MYOM2: variants seen among roughly 807,000 people sequenced by gnomAD.
The protein encoded by MYOM2 is myomesin 2.
In MYOM2, 254 loss-of-function variants were observed where a neutral mutation model predicts 187.6. The observed-to-expected ratio is 1.35, with a 90% confidence interval of 1.22 to 1.50. MYOM2 has a LOEUF of 1.50. Ranked by LOEUF, MYOM2 falls within the 40% of genes most tolerant of loss-of-function variation. The pLI is 0.00. For missense variants in MYOM2, 2,796 were observed against 1,924.0 expected, an observed-to-expected ratio of 1.45 and a Z score of -8.48; for synonymous variants, 981 against 753.8, an observed-to-expected ratio of 1.30 and a Z score of -4.94.
chr8:2,119,312 A>T (rs1304052005), intron 28 of MYOM2: 1 of 152,396 alleles, frequency 6.6e-6, no homozygotes, highest in East Asian at 1.9e-4. Context: ...GGCATTCTGG[A>T]AAATTCAGAT....
intron 6 of MYOM2, among the ~76,000 whole-genome samples, chr8:2,061,816 T>C (rs1585834316): frequency 6.6e-6 from 1 of 152,238 alleles, no homozygotes; most frequent in African/African-American, 2.4e-5. Context: ...GCGGGCTCCT[T>C]GGCCCTGCTC....
chr8:2,051,314 C>T (rs1818477595), intron 2 of MYOM2, among the ~76,000 whole-genome samples: 1 of 152,042 alleles, frequency 6.6e-6, no homozygotes, highest in South Asian at 2.1e-4. Flanking sequence ...CATGGATGTG[C>T]CGAGATCAAG....
intron 25 of MYOM2, among the ~76,000 whole-genome samples, chr8:2,110,186 G>A (rs1006984179): frequency 9.8e-5 from 15 of 152,302 alleles, no homozygotes; most frequent in African/African-American, 3.6e-4. Context: ...AGTTGGGCAT[G>A]GTGATGCTCA....
chr8:2,100,534 G>A (rs537694404), intron 19 of MYOM2: 1 of 264,012 alleles, frequency 3.8e-6, no homozygotes. Context: ...TGACTGCCAG[G>A]TGTCCAGCCC....
At chr8:2,127,209 T>C (rs182640846) in intron 31 of MYOM2, among the ~76,000 whole-genome samples, 2 of 152,098 alleles carry the variant, frequency 1.3e-5, no homozygotes, top group Admixed American at 6.5e-5. Context: ...CTTTTTCAAG[T>C]TGTGATTCCT....
At position 2,055,087 on chromosome 8, in the gene MYOM2, G is replaced by C. The variant is rs59417432; in HGVS notation, c.264-2261G>C. 5.0e-3 allele frequency among the ~76,000 whole-genome samples: 710 copies of C among 142,210 alleles called. 12 individuals are homozygous for C. The highest frequency in any genetic ancestry group is 0.018 in the African/African-American group (667 of 37,260). The allele number at this position is 142,210 out of a possible 152,430, so 93.3% of individuals were successfully genotyped here. ...CGAAGTACCTGGATACTGGGGGAACGAAGTACCTGGATACTGGGGTAACCA... is the reference window on the plus strand; with the variant it reads ...CGAAGTACCTGGATACTGGGGGAACCAAGTACCTGGATACTGGGGTAACCA... On this transcript the variant is annotated intron_variant, in intron 3 of 36. Coordinates refer to ENST00000262113, the MANE Select transcript of MYOM2 (RefSeq NM_003970.4).
intron 14 of MYOM2, among the ~76,000 whole-genome samples, chr8:2,089,436 A>C (rs547251680): frequency 2.3e-4 from 35 of 152,330 alleles, no homozygotes; most frequent in African/African-American, 7.9e-4. Context: ...TGCATTCTGT[A>C]TTAGATTTCA....
chr8:2,057,584 G>T (rs762152229), intron 4 of MYOM2, 39 bp from the exon 5 acceptor site: 1 of 1,612,876 alleles, frequency 6.2e-7, no homozygotes, highest in Non-Finnish European at 8.5e-7. Context: ...AGCTTGGCTC[G>T]CTGCCTGGGA....
At position 2,116,342 on chromosome 8, in the gene MYOM2, T is replaced by C. The variant is rs1409429320; in HGVS notation, c.3385+67T>C. 4.8e-6 allele frequency: 7 copies of C among 1,471,622 alleles called. No individual in the cohort carries two copies. In the Admixed American group the frequency reaches 7.9e-5, roughly 17 times the overall value. 91.2% of individuals were successfully genotyped at this position (1,471,622 alleles called of 1,614,324 possible). ...AAAGCAAAGATGATTGGAGTATTTG[T>C]CAGAAGCAGATCTTGCATGATCCCA... On this transcript the variant is annotated intron_variant, in intron 27 of 36. Transcript: ENST00000262113.
At chr8:2,140,555 T>C (rs1798238333) in intron 32 of MYOM2, among the ~76,000 whole-genome samples, 168 bp from the exon 33 acceptor site, 1 of 152,228 alleles carries the variant, frequency 6.6e-6, no homozygotes, top group African/African-American at 2.4e-5. Context: ...TTTTCAGATC[T>C]GAGTTACTGA....
At chr8:2,079,687 G>T in intron 13 of MYOM2, 74 bp downstream of exon 13, 1 of 1,481,574 alleles carries the variant, frequency 6.7e-7, no homozygotes. Flanking sequence ...GGGAGAGATG[G>T]ACAGAGAACG....
chr8:2,136,711 A>G (rs1798087943), intron 32 of MYOM2, among the ~76,000 whole-genome samples: 1 of 152,192 alleles, frequency 6.6e-6, no homozygotes, highest in South Asian at 2.1e-4. Context: ...ACACATTTAC[A>G]GCTATTTTAT....
At chr8:2,144,265 A>T (rs1024571719) in intron 36 of MYOM2, among the ~76,000 whole-genome samples, 1 of 151,448 alleles carries the variant, frequency 6.6e-6, no homozygotes, top group East Asian at 1.9e-4. Context: ...GATATATTCA[A>T]TGGGTTTGCC....
intron 32 of MYOM2, among the ~76,000 whole-genome samples, chr8:2,138,239 A>G (rs1290957492): frequency 6.6e-6 from 1 of 152,198 alleles, no homozygotes; most frequent in Non-Finnish European, 1.5e-5. Flanking sequence ...GCTTGCAAAC[A>G]TGGCACTCTC....
intron 18 of MYOM2, among the ~76,000 whole-genome samples, chr8:2,097,696 C>T (rs112511695): frequency 6.6e-6 from 1 of 152,018 alleles, no homozygotes; most frequent in African/African-American, 2.4e-5. Context: ...TGTATTATTT[C>T]AGTAGAGACA....
intron 14 of MYOM2, among the ~76,000 whole-genome samples, chr8:2,088,408 T>C (rs1202862362): frequency 2.0e-5 from 3 of 152,228 alleles, no homozygotes; most frequent in Non-Finnish European, 2.9e-5. Flanking sequence ...CAGCACCCCA[T>C]AGGTGGTTTT....
chr8:2,105,520 G>A (rs1796859874), intron 21 of MYOM2, among the ~76,000 whole-genome samples: 1 of 152,194 alleles, frequency 6.6e-6, no homozygotes, highest in African/African-American at 2.4e-5. Context: ...TGTGAAGGGG[G>A]AGCTTCATGG....
At chr8:2,079,796 C>G (rs1412288545) in intron 13 of MYOM2, among the ~76,000 whole-genome samples, 183 bp downstream of exon 13, 1 of 152,068 alleles carries the variant, frequency 6.6e-6, no homozygotes, top group Non-Finnish European at 1.5e-5. Context: ...AAAAATCAAG[C>G]AAGACAGAGT....
chr8:2,074,487 C>G (rs1364216845), intron 10 of MYOM2, among the ~76,000 whole-genome samples: 1 of 152,090 alleles, frequency 6.6e-6, no homozygotes, highest in Non-Finnish European at 1.5e-5. Flanking sequence ...TGGATTAACA[C>G]TCTGTCGCCC....
Sources: gnomAD v4.1 joint callset for allele counts (sites outside exome capture counted in the v4.1 genomes callset) on GRCh38, gnomAD v4.1.1 for gene constraint, MANE v1.5 for transcripts, NCBI Gene and HGNC (gene_info 2026-07-23, HGNC 2026-07-21) for gene names.